The following LRMDA variants were observed in gnomAD, a reference collection of about 807,000 sequenced individuals.
LRMDA encodes the protein leucine rich melanocyte differentiation associated.
In LRMDA, 18 loss-of-function variants were observed where a neutral mutation model predicts 29.8. The ratio of observed to expected loss-of-function variants is 0.60; its 90% CI spans 0.42 to 0.90. LRMDA has a LOEUF of 0.90. Among genes scored for constraint, LRMDA ranks in the 40% least tolerant of loss-of-function variants. The probability of loss-of-function intolerance (pLI) is 0.00; values close to 1 mark genes in which losing one functional copy is unlikely to be tolerated. For synonymous variants in LRMDA, 125 were observed against 109.4 expected, an observed-to-expected ratio of 1.14 and a Z score of -0.89; for missense variants, 273 against 273.9, an observed-to-expected ratio of 1.00 and a Z score of 0.02.
intron 6 of LRMDA, among the ~76,000 whole-genome samples, chr10:76,360,498 T>G (rs963244739): frequency 6.6e-6 from 1 of 152,188 alleles, no homozygotes; most frequent in Admixed American, 6.5e-5. Context: ...AGACCCTGTG[T>G]AGGCAGATCA....
At chr10:76,341,662 A>G (rs1841043342) in intron 6 of LRMDA, among the ~76,000 whole-genome samples, 1 of 152,168 alleles carries the variant, frequency 6.6e-6, no homozygotes, top group Admixed American at 6.5e-5. Context: ...TCAATAAAAG[A>G]CTTGAAGCCT....
chr10:75,596,307 G>A (rs149487092), intron 2 of LRMDA, among the ~76,000 whole-genome samples: 11 of 152,304 alleles, frequency 7.2e-5, no homozygotes, highest in Non-Finnish European at 1.3e-4. Context: ...TGCACTCTCC[G>A]CCCTTACGTT....
intron 2 of LRMDA, among the ~76,000 whole-genome samples, chr10:75,512,929 G>A (rs575308653): frequency 6.6e-6 from 1 of 152,100 alleles, no homozygotes; most frequent in Admixed American, 6.5e-5. Flanking sequence ...CAAGAGTAAT[G>A]AGGCCATTAC....
chr10:76,281,000 A>G lies in LRMDA; in HGVS notation c.517-43401A>G, dbSNP rs188047630. 5.4e-4 allele frequency among the ~76,000 whole-genome samples: 83 copies of G among 152,294 alleles called. No individual in the cohort carries two copies. The Middle Eastern group carries it at 0.014, about 25-fold the overall frequency. ...GGATGAAAAGCTTTAGCAGTTATTTAGTCCAACTCTCCACACACATTGAGT... is the reference window on the plus strand; with the variant it reads ...GGATGAAAAGCTTTAGCAGTTATTTGGTCCAACTCTCCACACACATTGAGT... On this transcript the variant is annotated intron_variant, in intron 5 of 6. Coordinates refer to ENST00000611255, the MANE Select transcript of LRMDA (RefSeq NM_001305581.2).
chr10:75,686,269 G>A (rs1171387211), intron 2 of LRMDA, among the ~76,000 whole-genome samples: 1 of 152,124 alleles, frequency 6.6e-6, no homozygotes, highest in South Asian at 2.1e-4. Flanking sequence ...GAGGAGAGCT[G>A]GGTGGTGAGG....
chr10:75,863,729 C>T (rs1009700772), intron 2 of LRMDA, among the ~76,000 whole-genome samples: 5 of 152,052 alleles, frequency 3.3e-5, no homozygotes, highest in Admixed American at 6.5e-5. Context: ...GAGTAGGTGG[C>T]GAGCTAGGTA....
chr10:75,824,004 C>T (rs769359502), intron 2 of LRMDA, among the ~76,000 whole-genome samples: 8 of 151,914 alleles, frequency 5.3e-5, no homozygotes, highest in Admixed American at 2.0e-4. Context: ...AGGAGGATTT[C>T]GGGAGAAGGA....
chr10:76,293,087 T>C (rs1283276055), intron 5 of LRMDA, among the ~76,000 whole-genome samples: 1 of 152,162 alleles, frequency 6.6e-6, no homozygotes, highest in Middle Eastern at 3.2e-3. Flanking sequence ...TTCATGCAAT[T>C]CTCTTGCCTC....
At chr10:75,776,828 C>T (rs1168411510) in intron 2 of LRMDA, among the ~76,000 whole-genome samples, 2 of 152,222 alleles carry the variant, frequency 1.3e-5, no homozygotes, top group East Asian at 3.8e-4. Flanking sequence ...CATGGCAGCT[C>T]ACTGATGGTT....
chr10:76,416,011 A>G (rs1352595918), intron 6 of LRMDA, among the ~76,000 whole-genome samples: 1 of 152,200 alleles, frequency 6.6e-6, no homozygotes. Flanking sequence ...TGAAGCCGCT[A>G]TTCACTGCAT....
chr10:75,786,524 C>A (rs999291729), intron 2 of LRMDA, among the ~76,000 whole-genome samples: 1 of 151,974 alleles, frequency 6.6e-6, no homozygotes, highest in Non-Finnish European at 1.5e-5. Flanking sequence ...TGGTTTAGTA[C>A]CAATTGTGTG....
chr10:76,397,759 C>T (rs1025896302), intron 6 of LRMDA, among the ~76,000 whole-genome samples: 5 of 152,124 alleles, frequency 3.3e-5, no homozygotes, highest in African/African-American at 2.4e-5. Flanking sequence ...TGCAGGATGT[C>T]GGAGAACCGG....
chr10:76,287,736 G>A (rs1430016842), intron 5 of LRMDA, among the ~76,000 whole-genome samples: 1 of 152,054 alleles, frequency 6.6e-6, no homozygotes, highest in Non-Finnish European at 1.5e-5. Flanking sequence ...AAAAGTTCTT[G>A]CTAAAAATAA....
At chr10:75,496,012 T>C (rs1396986505) in intron 2 of LRMDA, among the ~76,000 whole-genome samples, 1 of 152,216 alleles carries the variant, frequency 6.6e-6, no homozygotes. Flanking sequence ...AAATCAGGAA[T>C]TGGGACGTGT....
intron 2 of LRMDA, among the ~76,000 whole-genome samples, chr10:75,786,193 C>G (rs1843469526): frequency 6.6e-6 from 1 of 152,188 alleles, no homozygotes; most frequent in Non-Finnish European, 1.5e-5. Flanking sequence ...TGGGTCGCTT[C>G]TCCTCATAAC....
At chr10:75,746,149 C>A (rs1842887618) in intron 2 of LRMDA, among the ~76,000 whole-genome samples, 1 of 152,302 alleles carries the variant, frequency 6.6e-6, no homozygotes, top group African/African-American at 2.4e-5. Flanking sequence ...AGGCTTGGTA[C>A]TTTCTGTATC....
At chr10:75,754,321 T>C (rs938186259) in intron 2 of LRMDA, among the ~76,000 whole-genome samples, 1 of 152,230 alleles carries the variant, frequency 6.6e-6, no homozygotes, top group Non-Finnish European at 1.5e-5. Flanking sequence ...GGATGCCATG[T>C]TGATATTTAT....
chr10:76,450,809 T>C (rs567529638), intron 6 of LRMDA, among the ~76,000 whole-genome samples: 1 of 152,324 alleles, frequency 6.6e-6, no homozygotes, highest in African/African-American at 2.4e-5. Context: ...CATCTCAGAA[T>C]AATTTTTCCT....
intron 2 of LRMDA, among the ~76,000 whole-genome samples, chr10:75,808,377 A>G (rs989134400): frequency 5.3e-4 from 81 of 152,346 alleles, no homozygotes; most frequent in African/African-American, 1.8e-3. Flanking sequence ...TATAATATGA[A>G]AGCATGTTTT....
Sources: gnomAD v4.1 joint callset for allele counts (sites outside exome capture counted in the v4.1 genomes callset) on GRCh38, gnomAD v4.1.1 for gene constraint, MANE v1.5 for transcripts, NCBI Gene and HGNC (gene_info 2026-07-23, HGNC 2026-07-21) for gene names.